SAG: variants seen among roughly 807,000 people sequenced by gnomAD.
The protein encoded by SAG is S-antigen visual arrestin.
Under a neutral mutation model 55.0 loss-of-function variants are expected in SAG, and 45 were observed. That is an observed-to-expected ratio of 0.82 (90% CI 0.64 to 1.05). SAG has a LOEUF of 1.05. Ranked by LOEUF, SAG falls within the 50% of genes least tolerant of loss-of-function variation. SAG has a pLI of 0.00. For missense variants in SAG, 455 were observed against 512.1 expected, an observed-to-expected ratio of 0.89 and a Z score of 1.08; for synonymous variants, 189 against 197.4, an observed-to-expected ratio of 0.96 and a Z score of 0.36.
intron 3 of SAG, among the ~76,000 whole-genome samples, 173 bp downstream of exon 3, chr2:233,316,308 T>G (rs1391775448): frequency 6.6e-6 from 1 of 152,136 alleles, no homozygotes; most frequent in Non-Finnish European, 1.5e-5. Flanking sequence ...TTTTTATTTT[T>G]ATTTTTATTT....
intron 2 of SAG, among the ~76,000 whole-genome samples, chr2:233,309,933 C>T (rs1406689354): frequency 6.6e-6 from 1 of 152,204 alleles, no homozygotes; most frequent in Admixed American, 6.5e-5. Context: ...GGCCTTTTGT[C>T]TATCTATTGT....
chr2:233,339,734 G>T (rs1163238344), intron 12 of SAG, among the ~76,000 whole-genome samples: 2 of 151,408 alleles, frequency 1.3e-5, no homozygotes, highest in African/African-American at 4.9e-5. Context: ...CATGACCTCG[G>T]CTCACTGTAA....
chr2:233,340,387 T>C lies in SAG; in HGVS notation c.1023-68T>C. 1.4e-6 allele frequency: 2 copies of C among 1,443,326 alleles called. No individual in the cohort carries two copies. The highest frequency in any genetic ancestry group is 1.4e-5 in the African/African-American group (1 of 71,954). The allele number at this position is 1,443,326 out of a possible 1,614,324, so 89.4% of individuals were successfully genotyped here. On this transcript the variant is annotated intron_variant, in intron 12 of 15. Transcript: ENST00000409110. This position sits in a 1 kb window ranked among gnomAD's most constrained non-coding sequence, Gnocchi z 4.2. ...TGAGAGCTGGGCTGTGTCCTGCCTC[T>C]GAATCATGGGAAAGGGTCGTGTTAC...
intron 14 of SAG, chr2:233,344,667 T>C (rs1701200810): frequency 6.6e-6 from 1 of 152,188 alleles, no homozygotes; most frequent in South Asian, 2.1e-4. Context: ...AGATATGAGA[T>C]AGATGAGATT....
chr2:233,324,484 T>C (rs1700484224), intron 6 of SAG, among the ~76,000 whole-genome samples: 1 of 152,144 alleles, frequency 6.6e-6, no homozygotes, highest in South Asian at 2.1e-4. Flanking sequence ...CTTGTCGATG[T>C]TGTAGAGACT....
chr2:233,346,518 G>T (rs1472308692), intron 15 of SAG, 106 bp downstream of exon 15: 1 of 1,267,608 alleles, frequency 7.9e-7, no homozygotes. Context: ...AAGCTCTCCT[G>T]CCGGCTCAGG....
Position 233,343,589 on chromosome 2 carries a change from T to C in SAG, c.1102+1263T>C, listed in dbSNP as rs763989454. 6.7e-6 allele frequency: 6 copies of C among 893,990 alleles called. No homozygotes were observed. The South Asian group carries it at 9.2e-5, about 14-fold the overall frequency. The allele number at this position is 893,990 out of a possible 1,614,324, so 55.4% of individuals were successfully genotyped here. On this transcript the variant is annotated intron_variant, in intron 14 of 15. Coordinates refer to ENST00000409110, the MANE Select transcript of SAG (RefSeq NM_000541.5). ...GTCGACTGTGAAAAGGTAAATTGTA[T>C]GATATATGAATTTGATCTCAATCAT... is the stretch of plus-strand genomic sequence containing the variant.
rs1699989768 is a variant in SAG, at chr2:233,308,021, A to G, written c.-30A>G. The G allele has an allele frequency of 6.6e-6, 1 of 152,518 alleles. No homozygotes were observed. The highest frequency in any genetic ancestry group is 2.4e-5 in the African/African-American group (1 of 41,466). 9.4% of individuals were successfully genotyped at this position (152,518 alleles called of 1,614,324 possible). A position where few individuals can be genotyped will look rare whatever the true frequency, so the allele number is the denominator to read the frequency against. On this transcript the variant is annotated splice_region_variant and 5_prime_UTR_variant, in exon 1 of 16. Transcript: ENST00000409110. ...CCCACCTGGTTGGTGACAAATCACA[A>G]GGTATGTGACCACCACAGGCCAAAA...
chr2:233,338,838 C>G (rs2125348673), intron 12 of SAG, 85 bp downstream of exon 12: 2 of 1,169,304 alleles, frequency 1.7e-6, no homozygotes, highest in Non-Finnish European at 2.6e-6. Flanking sequence ...GACTGGGAGA[C>G]AGAAAGCAAG....
At chr2:233,332,856 T>G (rs1188649195) in intron 10 of SAG, 1 of 152,144 alleles carries the variant, frequency 6.6e-6, no homozygotes, top group Non-Finnish European at 1.5e-5. Context: ...AGAAATGGGG[T>G]TTCACCATGT....
Position 233,309,415 on chromosome 2 carries a change from C to T in SAG, c.75+151C>T, listed in dbSNP as rs534254581. 29 of 641,238 alleles carry T rather than the reference C, an allele frequency of 4.5e-5. 1 individual carries two copies. The highest frequency in any genetic ancestry group is 4.3e-4 in the Middle Eastern group (1 of 2,326). The allele number at this position is 641,238 out of a possible 1,614,324, so 39.7% of individuals were successfully genotyped here. A position where few individuals can be genotyped will look rare whatever the true frequency, so the allele number is the denominator to read the frequency against. On this transcript the variant is annotated intron_variant, in intron 2 of 15. Transcript: ENST00000409110. ...CCTGTAATCCCAGCACTTTGGGAGG[C>T]GGAGGCGGGATAACTTGAGGCCAGG... is the stretch of plus-strand genomic sequence containing the variant.
At chr2:233,343,526 G>A in intron 14 of SAG, 3 of 336,998 alleles carry the variant, frequency 8.9e-6, no homozygotes, top group Non-Finnish European at 1.6e-5. Flanking sequence ...TGATGCAATA[G>A]TTGTATGACT....
intron 11 of SAG, chr2:233,338,381 G>A (rs1270945162): frequency 1.2e-5 from 4 of 342,464 alleles, no homozygotes; most frequent in African/African-American, 8.3e-5. Flanking sequence ...AGTTGCTGAG[G>A]AGGATGACCG....
chr2:233,320,271 T>A (rs1700338295), intron 4 of SAG, among the ~76,000 whole-genome samples: 1 of 152,146 alleles, frequency 6.6e-6, no homozygotes, highest in African/African-American at 2.4e-5. Context: ...CATCCTGCCC[T>A]CTAGAACCTG....
chr2:233,331,903 T>C lies in SAG; in HGVS notation c.806+191T>C, dbSNP rs1700778692. 1.3e-5 allele frequency: 8 copies of C among 606,844 alleles called. No individual in the cohort carries two copies. In the East Asian group the frequency reaches 2.2e-4, roughly 17 times the overall value. 37.6% of individuals were successfully genotyped at this position (606,844 alleles called of 1,614,324 possible). A position where few individuals can be genotyped will look rare whatever the true frequency, so the allele number is the denominator to read the frequency against. ...GCTCTGCATCTACCACACCCCTCTG[T>C]GCCCATCTTACAGGAGTTCTGAGGA... On this transcript the variant is annotated intron_variant, in intron 10 of 15. Coordinates refer to ENST00000409110, the MANE Select transcript of SAG (RefSeq NM_000541.5).
intron 5 of SAG, 63 bp downstream of exon 5, chr2:233,320,886 G>A: frequency 7.1e-7 from 1 of 1,401,294 alleles, no homozygotes. Flanking sequence ...TGTGGATGGG[G>A]GCAAAGGAAA....
At chr2:233,334,928 T>G (rs1378225839) in intron 10 of SAG, 34 bp from the exon 11 acceptor site, 2 of 1,610,692 alleles carry the variant, frequency 1.2e-6, no homozygotes, top group Admixed American at 3.3e-5. Context: ...GCAGCTTTGA[T>G]GGTTATAAAT....
At chr2:233,323,140 C>T in intron 6 of SAG, 135 bp downstream of exon 6, 1 of 669,878 alleles carries the variant, frequency 1.5e-6, no homozygotes, top group Non-Finnish European at 2.6e-6. Context: ...CTCACTGCAA[C>T]CTGTGGTTTC....
intron 7 of SAG, 115 bp from the exon 8 acceptor site, chr2:233,328,363 G>A: frequency 7.6e-7 from 1 of 1,313,254 alleles, no homozygotes; most frequent in African/African-American, 1.5e-5. Flanking sequence ...CGTCCACCCT[G>A]TCTCCATGGG....
Sources: gnomAD v4.1 joint callset for allele counts (sites outside exome capture counted in the v4.1 genomes callset) on GRCh38, gnomAD v4.1.1 for gene constraint, Gnocchi (gnomAD v3.1) non-coding constraint, MANE v1.5 for transcripts, NCBI Gene and HGNC (gene_info 2026-07-23, HGNC 2026-07-21) for gene names.